Variants in NFIB observed in about 807,000 individuals in gnomAD.
NFIB encodes nuclear factor 1 B-type.
NFIB carries 11 observed loss-of-function variants against 61.5 expected under a neutral mutation model. That is an observed-to-expected ratio of 0.18 (90% CI 0.11 to 0.30). The LOEUF is 0.30. Ranked by LOEUF, NFIB falls within the 10% of genes least tolerant of loss-of-function variation. The pLI, the probability that NFIB is intolerant of heterozygous loss-of-function variation, is 1.00. For missense variants in NFIB, 471 were observed against 608.9 expected (o/e 0.77, Z 2.38); for synonymous variants, 260 against 216.5 (o/e 1.20, Z -1.76).
chr9:14,404,602 A>G, the NFIB span, among the ~76,000 whole-genome samples: 1 of 152,210 alleles, frequency 6.6e-6, no homozygotes, highest in Non-Finnish European at 1.5e-5. Flanking sequence ...TTGAGGGCAG[A>G]GTCTACAGCT....
chr9:14,461,005 G>C, the NFIB span, among the ~76,000 whole-genome samples: 2 of 132,294 alleles, frequency 1.5e-5, no homozygotes, highest in Admixed American at 1.7e-4. Context: ...TTAGAGGATC[G>C]TACTTCTTTT....
the NFIB span, among the ~76,000 whole-genome samples, chr9:14,516,838 A>G: frequency 1.3e-5 from 2 of 152,222 alleles, no homozygotes; most frequent in East Asian, 3.8e-4. Flanking sequence ...ATTAGTTAGT[A>G]TTATGCTAAT....
chr9:14,274,872 T>C (rs535228909), intron 2 of NFIB, among the ~76,000 whole-genome samples: 1 of 152,314 alleles, frequency 6.6e-6, no homozygotes, highest in East Asian at 1.9e-4. Flanking sequence ...TGGAGTTCTG[T>C]TTGCCAGTTA....
chr9:14,294,407 A>G (rs535674057), intron 2 of NFIB, among the ~76,000 whole-genome samples: 4 of 152,376 alleles, frequency 2.6e-5, no homozygotes, highest in Admixed American at 1.3e-4. Flanking sequence ...ACTTTAAATC[A>G]TAAGTGTAAG....
intron 2 of NFIB, among the ~76,000 whole-genome samples, chr9:14,228,796 T>A (rs2052762151): frequency 6.6e-6 from 1 of 152,216 alleles, no homozygotes; most frequent in Non-Finnish European, 1.5e-5. Context: ...TATTAGAGTG[T>A]GTTACTCATG....
At chr9:14,459,957 T>C in the NFIB span, among the ~76,000 whole-genome samples, 6 of 152,068 alleles carry the variant, frequency 3.9e-5, no homozygotes, top group Admixed American at 3.9e-4. Context: ...GAAGTCAGTG[T>C]GGCGATTCCT....
chr9:14,126,955 A>T (rs1175832319), intron 6 of NFIB, among the ~76,000 whole-genome samples: 2 of 152,214 alleles, frequency 1.3e-5, no homozygotes, highest in East Asian at 3.8e-4. Context: ...TTAAAGCTTA[A>T]AATCTAGTGA....
At chr9:14,180,982 T>C (rs1230312089) in intron 2 of NFIB, among the ~76,000 whole-genome samples, 2 of 152,190 alleles carry the variant, frequency 1.3e-5, no homozygotes, top group East Asian at 3.8e-4. Flanking sequence ...CCCCCAAACC[T>C]TGCCATTATA....
chr9:14,146,413 A>G (rs960574117), intron 6 of NFIB, among the ~76,000 whole-genome samples: 5 of 152,170 alleles, frequency 3.3e-5, no homozygotes, highest in Admixed American at 6.5e-5. Flanking sequence ...CAACAAATGT[A>G]GACAGACCAT....
At chr9:14,370,873 T>C (rs572202882) in intron 1 of NFIB, among the ~76,000 whole-genome samples, 12 of 152,278 alleles carry the variant, frequency 7.9e-5, no homozygotes, top group Admixed American at 5.2e-4. Flanking sequence ...GGCGGGTGGA[T>C]CACTTGAGGT....
At chr9:14,277,254 G>A (rs1039634768) in intron 2 of NFIB, among the ~76,000 whole-genome samples, 1 of 152,090 alleles carries the variant, frequency 6.6e-6, no homozygotes, top group African/African-American at 2.4e-5. Flanking sequence ...CCAAACAAGT[G>A]TAATACACAT....
the NFIB span, among the ~76,000 whole-genome samples, chr9:14,527,472 C>G: frequency 6.6e-6 from 1 of 152,082 alleles, no homozygotes; most frequent in Admixed American, 6.6e-5. Context: ...GATAAATCTG[C>G]AAAGGTATTA....
At chr9:14,526,095 G>T in the NFIB span, among the ~76,000 whole-genome samples, 1 of 152,094 alleles carries the variant, frequency 6.6e-6, no homozygotes, top group Admixed American at 6.5e-5. Context: ...TCATTTGCCA[G>T]AGGTCACCAA....
chr9:14,500,528 CTCT>C, the NFIB span, among the ~76,000 whole-genome samples: 1 of 152,140 alleles, frequency 6.6e-6, no homozygotes, highest in Non-Finnish European at 1.5e-5. Flanking sequence ...CTTTTACACC[CTCT>C]TATAAAGAGT....
intron 1 of NFIB, among the ~76,000 whole-genome samples, chr9:14,327,581 A>G (rs1375422736): frequency 1.3e-5 from 2 of 152,160 alleles, no homozygotes; most frequent in Non-Finnish European, 2.9e-5. Context: ...AAGGCCTTCT[A>G]TTCTGTTGTG....
the NFIB span, among the ~76,000 whole-genome samples, chr9:14,514,932 G>T: frequency 6.6e-6 from 1 of 152,200 alleles, no homozygotes; most frequent in African/African-American, 2.4e-5. Context: ...GAACCACTGG[G>T]CTAAGATATT....
At chr9:14,431,269 C>G in the NFIB span, among the ~76,000 whole-genome samples, 1 of 152,138 alleles carries the variant, frequency 6.6e-6, no homozygotes, top group Non-Finnish European at 1.5e-5. Context: ...GAAGAGTGAA[C>G]CAGGACTGCA....
chr9:14,082,409 T>A lies in NFIB; in HGVS notation c.*5900A>T, dbSNP rs2032089955. The A allele has an allele frequency of 4.9e-6, 1 of 203,130 alleles. No individual in the cohort carries two copies. Among genetic ancestry groups the A allele is most frequent in the African/African-American group, 2.3e-5 (1 of 43,580 alleles). 12.6% of individuals were successfully genotyped at this position (203,130 alleles called of 1,614,324 possible). A position where few individuals can be genotyped will look rare whatever the true frequency, so the allele number is the denominator to read the frequency against. Reference sequence around the variant, plus strand: ...TGTTCTCAGAGAAATATCATTGAGGTGGGGGCAGCTCTTCCCAGGATGCTA... The same window carrying A: ...TGTTCTCAGAGAAATATCATTGAGGAGGGGGCAGCTCTTCCCAGGATGCTA... On this transcript the variant is annotated 3_prime_UTR_variant, in exon 11 of 11. Coordinates refer to ENST00000380953, the MANE Select transcript of NFIB (RefSeq NM_001190737.2).
intron 1 of NFIB, among the ~76,000 whole-genome samples, chr9:14,354,780 CTGTGTGTGTGTGTGTG>C (rs67877825): frequency 1.4e-5 from 2 of 145,776 alleles, no homozygotes; most frequent in Admixed American, 6.9e-5. Flanking sequence ...AATGGGTACT[CTGTGTGTGTGTGTGTG>C]TGTGTGTGTG....
Sources: allele counts gnomAD v4.1 joint callset (sites outside exome capture counted in the v4.1 genomes callset), GRCh38; gene constraint gnomAD v4.1.1; transcripts MANE v1.5; gene names NCBI Gene and HGNC (gene_info 2026-07-23, HGNC 2026-07-21).